Variants in HDAC7 observed in about 807,000 individuals in gnomAD.
HDAC7 encodes histone deacetylase 7A.
A neutral mutation model predicts 115.5 loss-of-function variants in HDAC7; 26 were observed. The ratio of observed to expected loss-of-function variants is 0.23; its 90% CI spans 0.16 to 0.31. The LOEUF is 0.31. Ranked by LOEUF, HDAC7 falls within the 10% of genes least tolerant of loss-of-function variation. The pLI is 1.00. For missense variants in HDAC7, 1,068 were observed against 1,329.0 expected (o/e 0.80, Z 3.05); for synonymous variants, 564 against 550.9 (o/e 1.02, Z -0.33).
At chr12:47,804,964 G>A (rs987659758) in intron 1 of HDAC7, among the ~76,000 whole-genome samples, 4 of 151,692 alleles carry the variant, frequency 2.6e-5, no homozygotes, top group Admixed American at 6.6e-5. Context: ...GAGCCTTGCC[G>A]ACCACCTGCT....
At position 47,795,681 on chromosome 12, in the gene HDAC7, A is replaced by G. The variant is rs762430387; in HGVS notation, c.993T>C (p.His331=). Residue 331 remains histidine (H), a synonymous_variant, in exon 10 of 26, where the codon CAT becomes CAC. Transcript: ENST00000080059. The surrounding 1 kb of genome is among the most constrained non-coding windows in gnomAD (Gnocchi z 4.3). The part of the protein sequence containing the change: ...GSPHTPLFLP[H]GLEPEAGGTL... ...TGCCCCCAGCCTCGGGCTCCAAGCC[A>G]TGGGGCAGGAAGAGGGGAGTGTGGG... 5 of 1,551,804 alleles carry G rather than the reference A, an allele frequency of 3.2e-6. No individual in the cohort carries two copies. Among genetic ancestry groups the G allele is most frequent in the Non-Finnish European group, 4.4e-6 (5 of 1,147,348 alleles).
At position 47,787,749 on chromosome 12, in the gene HDAC7, G is replaced by C. The variant is rs775153922; in HGVS notation, c.2416C>G (p.Pro806Ala). ...VNVAWAGGLD[P>A]PMGDPEYLAA... ...AGGTACTCAGGATCCCCCATGGGGG[G>C]GTCCAGACCTCCAGCCCAGGCCACA... Residue 806 changes from proline (P) to alanine (A), a missense_variant, in exon 21 of 26, where the codon CCC becomes GCC. By Grantham distance (27) the Pro-to-Ala change is conservative (BLOSUM62 -1). This residue lies in a region of HDAC7 where 182 missense variants were observed against 301.1 expected (regional missense o/e 0.60). Transcript: ENST00000080059. The C allele has an allele frequency of 8.1e-6, 13 of 1,612,402 alleles. No homozygotes were observed. The highest frequency in any genetic ancestry group is 1.0e-5 in the Non-Finnish European group (12 of 1,179,482).
rs1943998196 is a variant in HDAC7 at position 47,798,572 on chromosome 12, C to G, written c.339G>C (p.Lys113Asn). The change falls in exon 4 of 26, where the codon AAG becomes AAC. Residue 113 changes from lysine to asparagine, a missense_variant. By Grantham distance (94) the Lys-to-Asn change is moderately conservative. Around this residue, in one of 6 missense-constraint regions of HDAC7, gnomAD observed 161 missense variants for 158.5 expected, o/e 1.02. Transcript: ENST00000080059. The surrounding 1 kb of genome is among the most constrained non-coding windows in gnomAD (Gnocchi z 4.3). ...QELRQLLHKDKSKRSAVASSV... is the reference protein window; with the variant it reads ...QELRQLLHKDNSKRSAVASSV... Reference sequence around the variant, plus strand: ...TGGCCACCTCCTTACTTCGCTTGCTCTTGTCCTTGTGGAGAAGCTGCCGCA... The same window carrying G: ...TGGCCACCTCCTTACTTCGCTTGCTGTTGTCCTTGTGGAGAAGCTGCCGCA... The G allele has an allele frequency of 1.2e-6, 2 of 1,613,934 alleles. No homozygotes were observed. Among genetic ancestry groups the G allele is most frequent in the Non-Finnish European group, 1.7e-6 (2 of 1,179,896 alleles).
chr12:47,792,213 C>A lies in HDAC7; in HGVS notation c.1679-209G>T. 1.5e-5 allele frequency: 9 copies of A among 587,602 alleles called. No homozygotes were observed. The South Asian group carries it at 1.5e-4, about 10-fold the overall frequency. 36.4% of individuals were successfully genotyped at this position (587,602 alleles called of 1,614,324 possible). A position where few individuals can be genotyped will look rare whatever the true frequency, so the allele number is the denominator to read the frequency against. ...TGTCCACACACGCCCAGACACTTCCCCAGGTGGCAGCAGCCAACACATCAA... is the reference window on the plus strand; with the variant it reads ...TGTCCACACACGCCCAGACACTTCCACAGGTGGCAGCAGCCAACACATCAA... On this transcript the variant is annotated intron_variant, in intron 13 of 25. Coordinates refer to ENST00000080059, the MANE Select transcript of HDAC7 (RefSeq NM_015401.5).
At chr12:47,792,078 C>A in intron 13 of HDAC7, 74 bp from the exon 14 acceptor site, 1 of 1,486,394 alleles carries the variant, frequency 6.7e-7, no homozygotes, top group South Asian at 1.3e-5. Flanking sequence ...GAGAACACGC[C>A]AGCACCGCCA....
intron 1 of HDAC7, among the ~76,000 whole-genome samples, chr12:47,805,806 C>A (rs1487100053): frequency 6.6e-6 from 1 of 152,138 alleles, no homozygotes; most frequent in African/African-American, 2.4e-5. Flanking sequence ...CCAGGCCAGG[C>A]CAGACCAGTA....
Position 47,795,065 on chromosome 12 carries a change from G to T in HDAC7, c.1284+119C>A. On this transcript the variant is annotated intron_variant, in intron 11 of 25. Coordinates refer to ENST00000080059, the MANE Select transcript of HDAC7 (RefSeq NM_015401.5). This position sits in a 1 kb window ranked among gnomAD's most constrained non-coding sequence, Gnocchi z 4.3. ...GCCATGCAGCTCTGGGCCCCAAGAA[G>T]CCACATCCCCCTCTTTTGCCCTCCA... 7.6e-7 allele frequency: 1 copy of T among 1,316,792 alleles called. No individual in the cohort carries two copies. Among genetic ancestry groups the T allele is most frequent in the Non-Finnish European group, 1.1e-6 (1 of 943,366 alleles). 81.6% of individuals were successfully genotyped at this position (1,316,792 alleles called of 1,614,324 possible).
chr12:47,807,580 C>T (rs1469575231), intron 1 of HDAC7, among the ~76,000 whole-genome samples: 1 of 151,970 alleles, frequency 6.6e-6, no homozygotes, highest in Non-Finnish European at 1.5e-5. Context: ...CATTCCCATT[C>T]GCCACAGGCC....
intron 24 of HDAC7, chr12:47,784,435 G>A (rs532535582): frequency 1.4e-4 from 83 of 611,136 alleles, no homozygotes; most frequent in African/African-American, 1.3e-3. Flanking sequence ...ACATGGCTGT[G>A]AGGGAGTCCT....
At position 47,783,268 on chromosome 12, in the gene HDAC7, A is replaced by C; in HGVS notation, c.*573T>G. On this transcript the variant is annotated 3_prime_UTR_variant, in exon 26 of 26. Transcript: ENST00000080059. ...TGGAGGGCTGCCAGTCTCGGCTGTC[A>C]GGGAGCTTCGTCTCAGTGCCCAGTG... 1 of 155,736 alleles carries C rather than the reference A, an allele frequency of 6.4e-6. No individual in the cohort carries two copies. The highest frequency in any genetic ancestry group is 1.4e-5 in the Non-Finnish European group (1 of 70,020). The allele number at this position is 155,736 out of a possible 1,614,324, so 9.6% of individuals were successfully genotyped here. A position where few individuals can be genotyped will look rare whatever the true frequency, so the allele number is the denominator to read the frequency against.
At position 47,788,177 on chromosome 12, in the gene HDAC7, AC is replaced by A. The variant is rs1251416168; in HGVS notation, c.2236-14del. On this transcript the variant is annotated splice_polypyrimidine_tract_variant and intron_variant, in intron 19 of 25. Transcript: ENST00000080059. ...CATGGTGCACGTCCTGTGTAGGGAG[AC>A]GGGCAGCGATTAGGGAAGGCAGAGA... 6.3e-7 allele frequency: 1 copy of A among 1,591,874 alleles called. No individual in the cohort carries two copies. The highest frequency in any genetic ancestry group is 8.6e-7 in the Non-Finnish European group (1 of 1,168,326).
rs762611238 is a variant in HDAC7, at chr12:47,792,037, G to C, written c.1679-33C>G. The C allele has an allele frequency of 5.1e-6, 8 of 1,576,576 alleles. No individual in the cohort carries two copies. In the African/African-American group the frequency reaches 1.1e-4, roughly 21 times the overall value. On this transcript the variant is annotated intron_variant, in intron 13 of 25. Transcript: ENST00000080059. ...AGCAAGGGTCAGAGCGGGGACCCAG[G>C]GAGTCCTCACGCCCCATGGCCTTGG... is the stretch of plus-strand genomic sequence containing the variant.
chr12:47,796,809 C>T (rs1008985578), intron 7 of HDAC7, among the ~76,000 whole-genome samples: 4 of 152,220 alleles, frequency 2.6e-5, no homozygotes, highest in South Asian at 2.1e-4. Flanking sequence ...AGGGTGCCCC[C>T]TTTTCTGGGA....
chr12:47,811,334 C>T (rs899447548), intron 1 of HDAC7, among the ~76,000 whole-genome samples: 3 of 152,182 alleles, frequency 2.0e-5, no homozygotes, highest in Non-Finnish European at 4.4e-5. Context: ...GGTGCTTACA[C>T]TGCCTTCAGG....
chr12:47,812,568 G>A (rs1011546345), intron 1 of HDAC7, among the ~76,000 whole-genome samples: 4 of 152,132 alleles, frequency 2.6e-5, no homozygotes, highest in Non-Finnish European at 5.9e-5. Flanking sequence ...AGAGCAAAAT[G>A]TGCCCATAAT....
chr12:47,786,761 C>T, intron 21 of HDAC7, 58 bp from the exon 22 acceptor site: 1 of 1,420,458 alleles, frequency 7.0e-7, no homozygotes, highest in Non-Finnish European at 9.9e-7. Flanking sequence ...AGGGGCGGTC[C>T]TGCCAACTTT....
At chr12:47,810,838 CTCTCTCTCTATCTCTA>C (rs1944628868) in intron 1 of HDAC7, among the ~76,000 whole-genome samples, 1 of 88,658 alleles carries the variant, frequency 1.1e-5, no homozygotes, top group Admixed American at 1.0e-4. Context: ...CTCTCTCTCT[CTCTCTCTCTATCTCTA>C]TCTCTGTCTC....
rs907185833 is a variant in HDAC7, at chr12:47,809,488, T to C, written c.20-7214A>G. On this transcript the variant is annotated intron_variant, in intron 1 of 25. Transcript: ENST00000080059. Reference sequence around the variant, plus strand: ...TAATATTAATAATGATCAACAATCATGTGTTAATGCTTACTGTGTGCTGGC... The same window carrying C: ...TAATATTAATAATGATCAACAATCACGTGTTAATGCTTACTGTGTGCTGGC... 2.0e-5 allele frequency among the ~76,000 whole-genome samples: 3 copies of C among 152,172 alleles called. No individual in the cohort carries two copies. In the South Asian group the frequency reaches 6.2e-4, roughly 32 times the overall value.
In HDAC7 at chr12:47,808,955, A is replaced by G. The variant is rs919113931; in HGVS notation, c.20-6681T>C. ...AAGTTCACCATGATGTCTAACTACC[A>G]TCTTTCCTATCATAAGCAAAACATC... On this transcript the variant is annotated intron_variant, in intron 1 of 25. Transcript: ENST00000080059. 3.3e-5 allele frequency among the ~76,000 whole-genome samples: 5 copies of G among 152,308 alleles called. No individual in the cohort carries two copies. In the South Asian group the frequency reaches 1.0e-3, roughly 32 times the overall value.
Sources: allele counts gnomAD v4.1 joint callset (sites outside exome capture counted in the v4.1 genomes callset), GRCh38; gene constraint gnomAD v4.1.1; regional missense constraint gnomAD v4.1.1; non-coding constraint Gnocchi (gnomAD v3.1); transcripts MANE v1.5; gene names NCBI Gene and HGNC (gene_info 2026-07-23, HGNC 2026-07-21).